Variants in PRKAR1B observed in about 807,000 individuals in gnomAD.
The protein encoded by PRKAR1B is protein kinase cAMP-dependent type I regulatory subunit beta.
PRKAR1B carries 22 observed loss-of-function variants against 46.5 expected under a neutral mutation model. The ratio of observed to expected loss-of-function variants is 0.47; its 90% CI spans 0.34 to 0.68. The LOEUF is 0.68. Among genes scored for constraint, PRKAR1B ranks in the 30% least tolerant of loss-of-function variants. PRKAR1B has a pLI of 0.01. For missense variants in PRKAR1B, 445 were observed against 535.6 expected (o/e 0.83, Z 1.67); for synonymous variants, 259 against 217.7 (o/e 1.19, Z -1.67).
At chr7:586,935 G>C (rs943905009) in intron 7 of PRKAR1B, among the ~76,000 whole-genome samples, 2 of 149,826 alleles carry the variant, frequency 1.3e-5, no homozygotes, top group African/African-American at 4.9e-5. Context: ...CCAGGCTGGA[G>C]TGTAGTGGTG....
At position 602,998 on chromosome 7, in the gene PRKAR1B, A is replaced by T. The variant is rs1446509693; in HGVS notation, c.549+3195T>A. 6.6e-6 allele frequency among the ~76,000 whole-genome samples: 1 copy of T among 152,126 alleles called. No homozygotes were observed. The highest frequency in any genetic ancestry group is 2.4e-5 in the African/African-American group (1 of 41,416). On this transcript the variant is annotated intron_variant, in intron 6 of 10. Coordinates refer to ENST00000537384, the MANE Select transcript of PRKAR1B (RefSeq NM_001164760.2). This position sits in a 1 kb window ranked among gnomAD's most constrained non-coding sequence, Gnocchi z 6.4. Reference sequence around the variant, plus strand: ...GGCGGGAACATAACCTGGGAGCCCCATGTCGGTTTCAGGCTCCACAAGGGA... The same window carrying T: ...GGCGGGAACATAACCTGGGAGCCCCTTGTCGGTTTCAGGCTCCACAAGGGA...
intron 2 of PRKAR1B, among the ~76,000 whole-genome samples, chr7:706,105 C>T (rs543976119): frequency 6.6e-5 from 10 of 152,192 alleles, no homozygotes; most frequent in South Asian, 2.1e-4. Context: ...TGGGGAGGAC[C>T]GCTTGAGCTC....
At chr7:637,835 A>C (rs1784201731) in intron 4 of PRKAR1B, among the ~76,000 whole-genome samples, 1 of 150,328 alleles carries the variant, frequency 6.7e-6, no homozygotes, top group South Asian at 2.2e-4. Flanking sequence ...CTCCATCTAA[A>C]AAAATAAATA....
chr7:638,983 T>C (rs28675739), intron 4 of PRKAR1B, among the ~76,000 whole-genome samples: 24,435 of 151,914 alleles, frequency 0.16, 2,211 homozygotes, highest in South Asian at 0.29. Flanking sequence ...GAGACTGAGG[T>C]AGGAGAATCG....
intron 1 of PRKAR1B, 131 bp from the exon 2 acceptor site, chr7:711,658 G>T: frequency 3.5e-6 from 3 of 853,508 alleles, no homozygotes; most frequent in Non-Finnish European, 5.3e-6. Flanking sequence ...ATTTGTCAAA[G>T]ATCTTTCATT....
intron 8 of PRKAR1B, among the ~76,000 whole-genome samples, chr7:583,391 ACACC>A (rs1303079842): frequency 1.6e-5 from 2 of 126,708 alleles, no homozygotes; most frequent in African/African-American, 2.9e-5. Context: ...GTGCACACTC[ACACC>A]CCCCACACGT....
intron 8 of PRKAR1B, among the ~76,000 whole-genome samples, chr7:583,074 G>T (rs145228145): frequency 0.026 from 3,956 of 152,116 alleles, 74 homozygotes; most frequent in East Asian, 0.11. Flanking sequence ...GGCAGGGGGG[G>T]TGACGGCTCA....
chr7:612,305 T>A, intron 4 of PRKAR1B, among the ~76,000 whole-genome samples: 1 of 145,886 alleles, frequency 6.9e-6, no homozygotes, highest in East Asian at 2.1e-4. Flanking sequence ...GACAGGTGGG[T>A]GGATGAACAG....
Position 711,396 on chromosome 7 carries a change from T to G in PRKAR1B, c.110A>C (p.His37Pro). Residue 37 changes from histidine (H) to proline (P), a missense_variant, in exon 2 of 11, where the codon CAC (histidine) becomes CCC (proline). By Grantham distance (77) the His-to-Pro change is moderately conservative. This residue lies in a region of PRKAR1B where 155 missense variants were observed against 127.5 expected (regional missense o/e 1.22). Coordinates refer to ENST00000537384, the MANE Select transcript of PRKAR1B (RefSeq NM_001164760.2). The part of the protein sequence containing the change: ...IQQVLKDCIV[H>P]LCISKPERPM... ...GCGTTCGGGCTTGGAGATGCAGAGG[T>G]GGACGATACAGTCTTTGAGGACCTG... 1 of 1,614,150 alleles carries G rather than the reference T, an allele frequency of 6.2e-7. No homozygotes were observed. The highest frequency in any genetic ancestry group is 2.2e-5 in the East Asian group (1 of 44,874).
At chr7:720,224 T>C (rs1021607753) in intron 1 of PRKAR1B, among the ~76,000 whole-genome samples, 2 of 152,022 alleles carry the variant, frequency 1.3e-5, no homozygotes, top group Non-Finnish European at 2.9e-5. Flanking sequence ...ACCCAGCTAA[T>C]TTTTTGCATT....
chr7:661,997 CA>C (rs1785602799), intron 4 of PRKAR1B, among the ~76,000 whole-genome samples: 1 of 82,664 alleles, frequency 1.2e-5, no homozygotes, highest in Non-Finnish European at 2.5e-5. Context: ...TACTCTCCCC[CA>C]CATGGCACAG....
chr7:680,269 C>T (rs1224557928), intron 3 of PRKAR1B, among the ~76,000 whole-genome samples: 1 of 152,124 alleles, frequency 6.6e-6, no homozygotes, highest in African/African-American at 2.4e-5. Flanking sequence ...GCCAGCGAGT[C>T]CCTTCCCTTC....
At chr7:588,716 G>A (rs1780776451) in intron 7 of PRKAR1B, among the ~76,000 whole-genome samples, 1 of 135,678 alleles carries the variant, frequency 7.4e-6, no homozygotes, top group African/African-American at 2.9e-5. Flanking sequence ...TGGTGATGGT[G>A]GTGATGGTGG....
chr7:623,566 C>G (rs1783223604), intron 4 of PRKAR1B, among the ~76,000 whole-genome samples: 1 of 152,272 alleles, frequency 6.6e-6, no homozygotes, highest in Non-Finnish European at 1.5e-5. Context: ...CCTGGCCTCT[C>G]TTCAGCAACA....
At chr7:612,921 A>G (rs913901519) in intron 4 of PRKAR1B, among the ~76,000 whole-genome samples, 4 of 152,262 alleles carry the variant, frequency 2.6e-5, no homozygotes, top group Admixed American at 6.5e-5. Context: ...TAAATAAACG[A>G]CAATGAAAAG....
At chr7:557,090 G>A (rs571287057) in intron 9 of PRKAR1B, among the ~76,000 whole-genome samples, 29 of 152,326 alleles carry the variant, frequency 1.9e-4, no homozygotes, top group African/African-American at 6.0e-4. Flanking sequence ...AACCAGAGTC[G>A]GGGAGGAACT....
At chr7:643,998 C>T (rs1047491605) in intron 4 of PRKAR1B, among the ~76,000 whole-genome samples, 1 of 152,152 alleles carries the variant, frequency 6.6e-6, no homozygotes, top group Non-Finnish European at 1.5e-5. Context: ...TTCGAATTCC[C>T]ACCCACAAAC....
At chr7:635,990 ACGTCCTCCACCGGCCGCGCCCT>A (rs1562578596) in intron 4 of PRKAR1B, among the ~76,000 whole-genome samples, 21 of 97,786 alleles carry the variant, frequency 2.1e-4, no homozygotes, top group African/African-American at 4.3e-4. Flanking sequence ...CCGCGCCCTC[ACGTCCTCCACCGGCCGCGCCCT>A]CACGTCCTCC....
chr7:718,377 T>C (rs75122824), intron 1 of PRKAR1B, among the ~76,000 whole-genome samples: 7 of 147,314 alleles, frequency 4.8e-5, no homozygotes, highest in African/African-American at 1.2e-4. Flanking sequence ...TTTTTTTTTT[T>C]CCAGAGTCTT....
Sources: gnomAD v4.1 joint callset for allele counts (sites outside exome capture counted in the v4.1 genomes callset) on GRCh38, gnomAD v4.1.1 for gene constraint, gnomAD v4.1.1 regional missense constraint, Gnocchi (gnomAD v3.1) non-coding constraint, MANE v1.5 for transcripts, NCBI Gene and HGNC (gene_info 2026-07-23, HGNC 2026-07-21) for gene names.